CSMD3: variants seen among roughly 807,000 people sequenced by gnomAD.
CSMD3 encodes the protein CUB and sushi domain-containing protein 3.
Under a neutral mutation model 435.2 loss-of-function variants are expected in CSMD3, and 177 were observed. The observed-to-expected ratio is 0.41, with a 90% confidence interval of 0.36 to 0.46. The LOEUF (loss-of-function observed/expected upper bound fraction) is 0.46, where lower values mean the gene tolerates loss of function less well. Among genes scored for constraint, CSMD3 ranks in the 20% least tolerant of loss-of-function variants. CSMD3 has a pLI of 0.34. For missense variants in CSMD3, 4,265 were observed against 4,504.6 expected, an observed-to-expected ratio of 0.95 and a Z score of 1.52; for synonymous variants, 1,656 against 1,520.5, an observed-to-expected ratio of 1.09 and a Z score of -2.07.
chr8:112,454,827 CA>C (rs574710500), intron 32 of CSMD3, among the ~76,000 whole-genome samples: 26 of 150,662 alleles, frequency 1.7e-4, no homozygotes, highest in Non-Finnish European at 3.6e-4. Context: ...TCTGTCTCTA[CA>C]AAAAAAAATC....
intron 1 of CSMD3, among the ~76,000 whole-genome samples, chr8:113,417,265 T>C (rs1218805808): frequency 6.6e-6 from 1 of 151,936 alleles, no homozygotes; most frequent in African/African-American, 2.4e-5. Flanking sequence ...GCAATAAATA[T>C]TGCAACCAGG....
At chr8:112,246,903 A>T (rs1895014) in intron 64 of CSMD3, 117 bp downstream of exon 64, 465,017 of 772,784 alleles carry the variant, frequency 0.6, 143,913 homozygotes, top group African/African-American at 0.89. Flanking sequence ...AATATGTTTT[A>T]TAATCTAAAA....
intron 5 of CSMD3, among the ~76,000 whole-genome samples, chr8:113,083,009 C>T (rs547634773): frequency 6.6e-5 from 10 of 152,122 alleles, no homozygotes; most frequent in African/African-American, 1.9e-4. Flanking sequence ...CGGGAGAAGG[C>T]ACAGAAAATC....
chr8:113,091,344 G>A lies in CSMD3; in HGVS notation c.917+7412C>T, dbSNP rs190377765. Among the ~76,000 whole-genome samples, 86 of 152,126 alleles carry A rather than the reference G, an allele frequency of 5.7e-4. 1 individual carries two copies. The East Asian group carries it at 8.9e-3, about 16-fold the overall frequency. On this transcript the variant is annotated intron_variant, in intron 5 of 70. Coordinates refer to ENST00000297405, the MANE Select transcript of CSMD3 (RefSeq NM_198123.2). Reference sequence around the variant, plus strand: ...TTTCAGAATAGTTTGAATAGTATTAGCATTAGTTCTCCTTTAAATGTTTGG... The same window carrying A: ...TTTCAGAATAGTTTGAATAGTATTAACATTAGTTCTCCTTTAAATGTTTGG...
At position 113,436,698 on chromosome 8, in the gene CSMD3, A is replaced by G. The variant is rs777576807; in HGVS notation, c.157T>C (p.Leu53=). ...GFTFWNLVFL[L]TVSCVKGFIY... The stretch of plus-strand genomic sequence containing the variant: ...CTACCTTTCACACAAGACACCGTCA[A>G]TAAAAAGACGAGGTTCCAAAACGTA... Residue 53 remains leucine (L), a synonymous_variant, in exon 1 of 71, where the codon TTG becomes CTG. Coordinates refer to ENST00000297405, the MANE Select transcript of CSMD3 (RefSeq NM_198123.2). 2 of 1,614,226 alleles carry G rather than the reference A, an allele frequency of 1.2e-6. No homozygotes were observed. The highest frequency in any genetic ancestry group is 1.7e-6 in the Non-Finnish European group (2 of 1,180,048).
chr8:112,943,013 T>C (rs914038355), intron 9 of CSMD3, among the ~76,000 whole-genome samples: 1 of 151,814 alleles, frequency 6.6e-6, no homozygotes, highest in South Asian at 2.1e-4. Context: ...CTTTAGACTT[T>C]AGCTATTTTA....
At chr8:112,566,213 A>C (rs1047525840) in intron 24 of CSMD3, among the ~76,000 whole-genome samples, 2 of 151,866 alleles carry the variant, frequency 1.3e-5, no homozygotes, top group African/African-American at 2.4e-5. Flanking sequence ...AGAGGCAAAG[A>C]CTCTCAGTTC....
At chr8:112,446,440 A>T (rs988729463) in intron 32 of CSMD3, among the ~76,000 whole-genome samples, 2 of 152,236 alleles carry the variant, frequency 1.3e-5, no homozygotes, top group African/African-American at 4.8e-5. Flanking sequence ...TTTTTACTTT[A>T]AATAGGCAGC....
intron 4 of CSMD3, among the ~76,000 whole-genome samples, chr8:113,145,759 C>G (rs2091658924): frequency 6.6e-6 from 1 of 151,498 alleles, no homozygotes; most frequent in Non-Finnish European, 1.5e-5. Context: ...GTACATGACA[C>G]AGAGGAGGTA....
At chr8:113,233,203 GA>G (rs573154694) in intron 3 of CSMD3, among the ~76,000 whole-genome samples, 300 of 151,486 alleles carry the variant, frequency 2.0e-3, no homozygotes, top group African/African-American at 6.9e-3. Flanking sequence ...ATATTCAATT[GA>G]ACTTATATGC....
intron 27 of CSMD3, among the ~76,000 whole-genome samples, chr8:112,537,725 T>C (rs1027387025): frequency 1.3e-4 from 19 of 150,898 alleles, no homozygotes; most frequent in African/African-American, 4.4e-4. Context: ...GAGTTCAAAG[T>C]AGTAAAAAAA....
In CSMD3 at chr8:112,503,986, A is replaced by T; in HGVS notation, c.4896-9T>A. The T allele has an allele frequency of 1.3e-6, 2 of 1,540,224 alleles. No homozygotes were observed. The highest frequency in any genetic ancestry group is 2.3e-5 in the South Asian group (2 of 88,418). On this transcript the variant is annotated splice_polypyrimidine_tract_variant and intron_variant, in intron 29 of 70. Coordinates refer to ENST00000297405, the MANE Select transcript of CSMD3 (RefSeq NM_198123.2). ...TTGGTTCTATGCTAAAACTGAAAAA[A>T]AAAAGGAAAGAACAAAAGAAAGAAA... is the stretch of plus-strand genomic sequence containing the variant.
intron 9 of CSMD3, among the ~76,000 whole-genome samples, chr8:112,947,226 C>T (rs543958898): frequency 6.4e-4 from 97 of 151,434 alleles, no homozygotes; most frequent in African/African-American, 2.2e-3. Context: ...TTAATGGCTG[C>T]CACAGTATAC....
chr8:113,080,366 A>G (rs1200730504), intron 5 of CSMD3, among the ~76,000 whole-genome samples: 1 of 152,170 alleles, frequency 6.6e-6, no homozygotes, highest in Non-Finnish European at 1.5e-5. Context: ...GGATGTAACT[A>G]CTGAAGCTAT....
chr8:113,239,344 T>G lies in CSMD3; in HGVS notation c.514+39248A>C, dbSNP rs1398899420. 2.0e-5 allele frequency among the ~76,000 whole-genome samples: 3 copies of G among 152,198 alleles called. No homozygotes were observed. The East Asian group carries it at 5.8e-4, about 29-fold the overall frequency. ...AAATATATAATGTATGCCTACTGCA[T>G]AGAGACACCATGTCTATTTTTAATT... is the stretch of plus-strand genomic sequence containing the variant. On this transcript the variant is annotated intron_variant, in intron 3 of 70. Transcript: ENST00000297405.
At chr8:112,710,102 T>C (rs973594437) in intron 13 of CSMD3, among the ~76,000 whole-genome samples, 1 of 152,126 alleles carries the variant, frequency 6.6e-6, no homozygotes, top group Non-Finnish European at 1.5e-5. Context: ...GTCCAACATA[T>C]GCCAAGTTGC....
chr8:112,584,162 A>G (rs780811350), intron 23 of CSMD3, among the ~76,000 whole-genome samples: 3 of 151,984 alleles, frequency 2.0e-5, no homozygotes, highest in Non-Finnish European at 4.4e-5. Flanking sequence ...ACAGTAAAAT[A>G]TTTTGATGTA....
intron 7 of CSMD3, among the ~76,000 whole-genome samples, chr8:112,967,890 G>A (rs1587786454): frequency 6.6e-6 from 1 of 150,910 alleles, no homozygotes; most frequent in South Asian, 2.1e-4. Flanking sequence ...GAAGTAAAGA[G>A]AAAAAAGAAA....
At chr8:113,363,147 T>C (rs2094288375) in intron 1 of CSMD3, among the ~76,000 whole-genome samples, 2 of 152,202 alleles carry the variant, frequency 1.3e-5, no homozygotes, top group South Asian at 2.1e-4. Context: ...GTTAAGCCTA[T>C]ACTATATCAC....
Sources: gnomAD v4.1 joint callset for allele counts (sites outside exome capture counted in the v4.1 genomes callset) on GRCh38, gnomAD v4.1.1 for gene constraint, MANE v1.5 for transcripts, NCBI Gene and HGNC (gene_info 2026-07-23, HGNC 2026-07-21) for gene names.